The following ENOX1 variants were observed in gnomAD, a reference collection of about 807,000 sequenced individuals.
The protein encoded by ENOX1 is ecto-NOX disulfide-thiol exchanger 1.
A neutral mutation model predicts 82.5 loss-of-function variants in ENOX1; 42 were observed. That is an observed-to-expected ratio of 0.51 (90% CI 0.40 to 0.66). The LOEUF is 0.66. Ranked by LOEUF, ENOX1 falls within the 30% of genes least tolerant of loss-of-function variation. ENOX1 has a pLI of 0.00. For missense variants in ENOX1, 608 were observed against 811.6 expected, an observed-to-expected ratio of 0.75 and a Z score of 3.05; for synonymous variants, 271 against 282.2, an observed-to-expected ratio of 0.96 and a Z score of 0.40.
chr13:43,547,367 C>A (rs1265718345), intron 2 of ENOX1: 1 of 152,156 alleles, frequency 6.6e-6, no homozygotes, highest in Non-Finnish European at 1.5e-5. Context: ...TAGTTTCAAA[C>A]AGAGAGCCCT....
At chr13:43,770,259 C>T (rs928054061) in intron 1 of ENOX1, among the ~76,000 whole-genome samples, 1 of 152,178 alleles carries the variant, frequency 6.6e-6, no homozygotes, top group Admixed American at 6.5e-5. Context: ...GAGAAAATGG[C>T]ATTCCCCCTG....
At chr13:43,342,830 G>A (rs2049148529) in intron 9 of ENOX1, among the ~76,000 whole-genome samples, 1 of 152,196 alleles carries the variant, frequency 6.6e-6, no homozygotes, top group African/African-American at 2.4e-5. Context: ...CCCTCTCTCA[G>A]TTGCTTCAAA....
At chr13:43,727,244 T>C (rs561560589) in intron 1 of ENOX1, among the ~76,000 whole-genome samples, 2 of 152,306 alleles carry the variant, frequency 1.3e-5, no homozygotes, top group Non-Finnish European at 2.9e-5. Context: ...AGCTAATTCC[T>C]TAACACATGT....
chr13:43,270,487 T>C (rs1311079963), intron 12 of ENOX1, among the ~76,000 whole-genome samples: 5 of 152,180 alleles, frequency 3.3e-5, no homozygotes, highest in African/African-American at 4.8e-5. Context: ...CTGTCTCCAA[T>C]AGCCAGGCTA....
At chr13:43,696,308 C>T (rs1040734944) in intron 1 of ENOX1, among the ~76,000 whole-genome samples, 1 of 152,180 alleles carries the variant, frequency 6.6e-6, no homozygotes, top group Non-Finnish European at 1.5e-5. Context: ...CTCTTGGATA[C>T]ATAGCTAAGA....
chr13:43,361,668 C>T (rs182960366), intron 5 of ENOX1, among the ~76,000 whole-genome samples: 1 of 152,224 alleles, frequency 6.6e-6, no homozygotes, highest in East Asian at 1.9e-4. Flanking sequence ...AATTATATTA[C>T]TTAAAATATT....
chr13:43,577,521 G>C (rs1158440014), intron 2 of ENOX1, among the ~76,000 whole-genome samples: 1 of 152,198 alleles, frequency 6.6e-6, no homozygotes, highest in African/African-American at 2.4e-5. Context: ...ATTCCCCTAA[G>C]GGGAAGAACA....
intron 2 of ENOX1, among the ~76,000 whole-genome samples, chr13:43,658,686 T>C (rs1167685642): frequency 3.9e-5 from 6 of 152,210 alleles, no homozygotes; most frequent in African/African-American, 1.4e-4. Flanking sequence ...AACTCTCTCC[T>C]GAATCCCTCT....
intron 9 of ENOX1, among the ~76,000 whole-genome samples, chr13:43,342,923 C>G (rs543036899): frequency 6.6e-6 from 1 of 152,172 alleles, no homozygotes. Flanking sequence ...TTAATAGGTG[C>G]CTCTTTCAAT....
chr13:43,601,307 G>A (rs1249044842), intron 2 of ENOX1, among the ~76,000 whole-genome samples: 2 of 152,096 alleles, frequency 1.3e-5, no homozygotes, highest in Non-Finnish European at 2.9e-5. Flanking sequence ...AAGGAATTTA[G>A]AATACTGTCT....
At chr13:43,287,572 T>C (rs2045769455) in intron 12 of ENOX1, among the ~76,000 whole-genome samples, 1 of 152,192 alleles carries the variant, frequency 6.6e-6, no homozygotes, top group African/African-American at 2.4e-5. Flanking sequence ...TTCCTTCTAC[T>C]AGTTCAGTGT....
chr13:43,512,745 G>A (rs1181893856), intron 2 of ENOX1, among the ~76,000 whole-genome samples: 1 of 151,454 alleles, frequency 6.6e-6, no homozygotes, highest in Non-Finnish European at 1.5e-5. Flanking sequence ...AGTCACATCA[G>A]TCAGTAATAA....
At chr13:43,756,403 G>A (rs575439098) in intron 1 of ENOX1, among the ~76,000 whole-genome samples, 45 of 150,458 alleles carry the variant, frequency 3.0e-4, no homozygotes, top group Middle Eastern at 3.4e-3. Flanking sequence ...ACTGCACTCC[G>A]GCCTGGGCGA....
At chr13:43,674,216 A>T (rs2085397791) in intron 1 of ENOX1, among the ~76,000 whole-genome samples, 1 of 152,218 alleles carries the variant, frequency 6.6e-6, no homozygotes. Flanking sequence ...TGTTCTAGGT[A>T]CTGGGAGTAC....
chr13:43,371,459 A>G (rs2051238824), intron 5 of ENOX1, among the ~76,000 whole-genome samples: 2 of 152,240 alleles, frequency 1.3e-5, no homozygotes, highest in Non-Finnish European at 2.9e-5. Flanking sequence ...CCATATAGAT[A>G]TAAAGCCCAC....
At chr13:43,639,408 A>C (rs1350806363) in intron 2 of ENOX1, among the ~76,000 whole-genome samples, 1 of 152,222 alleles carries the variant, frequency 6.6e-6, no homozygotes, top group Non-Finnish European at 1.5e-5. Flanking sequence ...TTATTGTACA[A>C]AACTCTTAAG....
chr13:43,273,615 G>A (rs1049423840), intron 12 of ENOX1, among the ~76,000 whole-genome samples: 2 of 152,158 alleles, frequency 1.3e-5, no homozygotes, highest in Non-Finnish European at 2.9e-5. Context: ...ATCCTCTCTA[G>A]GTAGAGACAA....
chr13:43,766,292 G>T (rs1033266196), intron 1 of ENOX1, among the ~76,000 whole-genome samples: 2 of 152,184 alleles, frequency 1.3e-5, no homozygotes, highest in Non-Finnish European at 1.5e-5. Flanking sequence ...AGTGATAATG[G>T]TCTCATATTT....
intron 2 of ENOX1, among the ~76,000 whole-genome samples, chr13:43,659,643 T>C (rs1594299608): frequency 1.3e-5 from 2 of 152,140 alleles, no homozygotes; most frequent in East Asian, 3.9e-4. Context: ...GGCCGAGCAC[T>C]AGAAGGTCCA....
Sources: gnomAD v4.1 joint callset for allele counts (sites outside exome capture counted in the v4.1 genomes callset) on GRCh38, gnomAD v4.1.1 for gene constraint, MANE v1.5 for transcripts, NCBI Gene and HGNC (gene_info 2026-07-23, HGNC 2026-07-21) for gene names.